PDE8B: variants seen among roughly 807,000 people sequenced by gnomAD.
PDE8B encodes high affinity cAMP-specific and IBMX-insensitive 3',5'-cyclic phosphodiesterase 8B.
PDE8B carries 26 observed loss-of-function variants against 101.3 expected under a neutral mutation model. That is an observed-to-expected ratio of 0.26 (90% CI 0.19 to 0.36). The LOEUF is 0.36. Ranked by LOEUF, PDE8B falls within the 10% of genes least tolerant of loss-of-function variation. The probability of loss-of-function intolerance (pLI) is 1.00; values close to 1 mark genes in which losing one functional copy is unlikely to be tolerated. For synonymous variants in PDE8B, 424 were observed against 429.3 expected (o/e 0.99, Z 0.15); for missense variants, 810 against 1,163.1 (o/e 0.70, Z 4.42).
At chr5:77,146,826 G>A in the PDE8B span, 233,815 of 339,206 alleles carry the variant, frequency 0.69, 81,625 homozygotes, top group East Asian at 0.94. Context: ...CCTTTAGGAC[G>A]AAAAAGTAGT....
At chr5:77,265,935 G>A (rs1761612755) in intron 1 of PDE8B, among the ~76,000 whole-genome samples, 1 of 152,176 alleles carries the variant, frequency 6.6e-6, no homozygotes, top group African/African-American at 2.4e-5. Context: ...GCAGGTGAGA[G>A]TACTTTCTCT....
chr5:77,116,476 A>T, the PDE8B span, among the ~76,000 whole-genome samples: 1 of 152,076 alleles, frequency 6.6e-6, no homozygotes, highest in Non-Finnish European at 1.5e-5. Flanking sequence ...TCCTGACCTC[A>T]AGTGATGCGC....
At chr5:77,283,308 C>T (rs997453467) in intron 1 of PDE8B, among the ~76,000 whole-genome samples, 1 of 152,160 alleles carries the variant, frequency 6.6e-6, no homozygotes, top group Non-Finnish European at 1.5e-5. Context: ...CAGAGTGGTA[C>T]ATTTGTTACA....
chr5:77,235,408 G>A (rs1561390826), intron 1 of PDE8B, among the ~76,000 whole-genome samples: 2 of 152,218 alleles, frequency 1.3e-5, no homozygotes, highest in East Asian at 3.8e-4. Context: ...GCCTACCAGT[G>A]TATGAACAGG....
At chr5:77,370,557 C>A (rs989973971) in intron 10 of PDE8B, among the ~76,000 whole-genome samples, 13 of 152,152 alleles carry the variant, frequency 8.5e-5, no homozygotes, top group Admixed American at 7.2e-4. Context: ...ATCCATTCTC[C>A]CATTGATGGG....
intron 17 of PDE8B, 78 bp downstream of exon 17, chr5:77,413,387 C>T: frequency 7.7e-7 from 1 of 1,291,440 alleles, no homozygotes; most frequent in Non-Finnish European, 1.1e-6. Context: ...ATACATTAGG[C>T]AAACAGCTAT....
At chr5:77,171,295 A>G in the PDE8B span, among the ~76,000 whole-genome samples, 1 of 152,192 alleles carries the variant, frequency 6.6e-6, no homozygotes, top group Non-Finnish European at 1.5e-5. Flanking sequence ...ATTTAGGGGT[A>G]TGACTTGGGG....
chr5:77,126,348 G>A, the PDE8B span, among the ~76,000 whole-genome samples: 2 of 151,926 alleles, frequency 1.3e-5, no homozygotes, highest in Non-Finnish European at 2.9e-5. Context: ...GCCAATATAC[G>A]TCATTTGAGG....
chr5:77,290,401 A>T, intron 1 of PDE8B: 1 of 1,395,660 alleles, frequency 7.2e-7, no homozygotes, highest in Non-Finnish European at 1.0e-6. Context: ...TGCTCTGCTA[A>T]CAACTAGCCA....
the PDE8B span, among the ~76,000 whole-genome samples, chr5:77,126,079 G>T: frequency 6.6e-6 from 1 of 152,140 alleles, no homozygotes; most frequent in Admixed American, 6.5e-5. Context: ...GAGGTCAGGA[G>T]ATCGAGACCA....
intron 10 of PDE8B, among the ~76,000 whole-genome samples, chr5:77,378,257 G>A (rs1786685043): frequency 6.6e-6 from 1 of 151,728 alleles, no homozygotes; most frequent in Non-Finnish European, 1.5e-5. Context: ...TCAAGAGATC[G>A]AGACCATCCT....
the PDE8B span, among the ~76,000 whole-genome samples, chr5:77,109,927 GTTTTTTTTTTTTT>G: frequency 2.1e-4 from 14 of 67,234 alleles, no homozygotes; most frequent in African/African-American, 7.5e-4. Context: ...TTGTATTTCA[GTTTTTTTTTTTTT>G]TTTTTTTTTT....
intron 7 of PDE8B, among the ~76,000 whole-genome samples, chr5:77,346,343 C>T (rs1420510022): frequency 2.6e-5 from 4 of 152,160 alleles, no homozygotes; most frequent in African/African-American, 7.2e-5. Flanking sequence ...ACTTATACCC[C>T]GACTTGGACA....
the PDE8B span, among the ~76,000 whole-genome samples, chr5:77,176,849 A>T: frequency 6.6e-6 from 1 of 152,174 alleles, no homozygotes; most frequent in Admixed American, 6.5e-5. Context: ...GATGGAACTC[A>T]TGCTTGGAGT....
chr5:77,286,021 A>G (rs1765938682), intron 1 of PDE8B, among the ~76,000 whole-genome samples: 1 of 152,092 alleles, frequency 6.6e-6, no homozygotes, highest in Non-Finnish European at 1.5e-5. Flanking sequence ...GTTAATCATA[A>G]TAGTGATATT....
chr5:77,359,996 C>T (rs1047293294), intron 10 of PDE8B, among the ~76,000 whole-genome samples: 11 of 150,940 alleles, frequency 7.3e-5, no homozygotes, highest in African/African-American at 2.7e-4. Flanking sequence ...GAGGCTGAGG[C>T]AGGAGAATTG....
intron 1 of PDE8B, chr5:77,290,989 T>A: frequency 1.2e-6 from 2 of 1,611,966 alleles, no homozygotes; most frequent in East Asian, 2.2e-5. Flanking sequence ...CGAGTGAACC[T>A]GCTGTCCTTC....
chr5:77,163,102 G>A, the PDE8B span, among the ~76,000 whole-genome samples: 1 of 152,168 alleles, frequency 6.6e-6, no homozygotes, highest in Non-Finnish European at 1.5e-5. Context: ...TTTTACCCAT[G>A]AGGCGGGCAT....
At chr5:77,159,842 T>C in the PDE8B span, among the ~76,000 whole-genome samples, 3 of 152,206 alleles carry the variant, frequency 2.0e-5, no homozygotes, top group Non-Finnish European at 2.9e-5. Flanking sequence ...GAAGGGTGCA[T>C]ATCCAGAGAC....
Sources: gnomAD v4.1 joint callset for allele counts (sites outside exome capture counted in the v4.1 genomes callset) on GRCh38, gnomAD v4.1.1 for gene constraint, MANE v1.5 for transcripts, NCBI Gene and HGNC (gene_info 2026-07-23, HGNC 2026-07-21) for gene names.